Variants in SFMBT1 observed in about 807,000 individuals in gnomAD.
SFMBT1 encodes the protein Scm like with four mbt domains 1, also known as scm-like with four MBT domains protein 1.
Under a neutral mutation model 108.7 loss-of-function variants are expected in SFMBT1, and 32 were observed. The ratio of observed to expected loss-of-function variants is 0.29; its 90% CI spans 0.22 to 0.40. SFMBT1 has a LOEUF of 0.40. SFMBT1 is among the 10% of genes least tolerant of loss of function. SFMBT1 has a pLI of 1.00. For synonymous variants in SFMBT1, 348 were observed against 369.5 expected, an observed-to-expected ratio of 0.94 and a Z score of 0.67; for missense variants, 816 against 1,059.6, an observed-to-expected ratio of 0.77 and a Z score of 3.19.
intron 2 of SFMBT1, among the ~76,000 whole-genome samples, chr3:52,954,731 T>C (rs1362542243): frequency 6.6e-6 from 1 of 152,190 alleles, no homozygotes; most frequent in African/African-American, 2.4e-5. Context: ...CACTTTGGAC[T>C]GAAATTTAGT....
intron 18 of SFMBT1, 58 bp from the exon 19 acceptor site, chr3:52,907,372 A>G: frequency 6.5e-7 from 1 of 1,549,574 alleles, no homozygotes; most frequent in Non-Finnish European, 8.7e-7. Flanking sequence ...CAGGTTTCAT[A>G]TGATTAAAAA....
intron 2 of SFMBT1, among the ~76,000 whole-genome samples, chr3:52,968,580 A>G (rs1704226109): frequency 1.3e-5 from 2 of 150,658 alleles, no homozygotes; most frequent in Admixed American, 1.4e-4. Flanking sequence ...TTTAAAAAAG[A>G]AGTCTGTTCA....
chr3:53,027,297 C>A (rs1699526668), intron 1 of SFMBT1, among the ~76,000 whole-genome samples: 1 of 152,176 alleles, frequency 6.6e-6, no homozygotes, highest in Admixed American at 6.5e-5. Context: ...TTCCCCCACC[C>A]CCGTTAAAAC....
chr3:53,034,447 C>T (rs1257932999), intron 1 of SFMBT1, among the ~76,000 whole-genome samples: 1 of 151,746 alleles, frequency 6.6e-6, no homozygotes, highest in Non-Finnish European at 1.5e-5. Context: ...TGTGGTGGTG[C>T]GTGCCTGTCT....
At chr3:53,023,924 C>CTCAT (rs968483102) in intron 1 of SFMBT1, among the ~76,000 whole-genome samples, 1 of 152,166 alleles carries the variant, frequency 6.6e-6, no homozygotes, top group African/African-American at 2.4e-5. Flanking sequence ...CTATGAAATA[C>CTCAT]TCATTCATCC....
intron 13 of SFMBT1, among the ~76,000 whole-genome samples, chr3:52,917,586 C>T (rs894027698): frequency 3.3e-5 from 5 of 152,246 alleles, no homozygotes; most frequent in African/African-American, 9.6e-5. Context: ...CCCAGGGCCA[C>T]GGACCAGTAC....
chr3:52,911,770 A>G (rs56231111), intron 16 of SFMBT1, among the ~76,000 whole-genome samples: 17,154 of 152,184 alleles, frequency 0.11, 1,007 homozygotes, highest in Non-Finnish European at 0.13. Context: ...GCATGATCTC[A>G]GCTCACTGCA....
intron 10 of SFMBT1, among the ~76,000 whole-genome samples, chr3:52,922,336 A>G (rs1424376057): frequency 1.3e-5 from 2 of 151,076 alleles, no homozygotes; most frequent in African/African-American, 4.9e-5. Flanking sequence ...ACAGTGGGAA[A>G]GGGTCATTTA....
chr3:52,968,562 A>G (rs1461655293), intron 2 of SFMBT1, among the ~76,000 whole-genome samples: 2 of 151,844 alleles, frequency 1.3e-5, no homozygotes, highest in Admixed American at 1.3e-4. Context: ...TCAAAATTTT[A>G]ATGCTATTTT....
At chr3:53,006,734 C>G (rs1034484994) in intron 1 of SFMBT1, among the ~76,000 whole-genome samples, 1 of 152,038 alleles carries the variant, frequency 6.6e-6, no homozygotes, top group African/African-American at 2.4e-5. Context: ...ATGGAGGGGT[C>G]CTGGAACCAA....
intron 1 of SFMBT1, among the ~76,000 whole-genome samples, chr3:53,009,333 A>T (rs1370474375): frequency 6.6e-6 from 1 of 152,080 alleles, no homozygotes; most frequent in Non-Finnish European, 1.5e-5. Flanking sequence ...CTGTAATCTC[A>T]GCTACTCGGG....
At chr3:52,926,291 G>C (rs1326315503) in intron 9 of SFMBT1, among the ~76,000 whole-genome samples, 178 bp from the exon 10 acceptor site, 1 of 152,202 alleles carries the variant, frequency 6.6e-6, no homozygotes, top group East Asian at 1.9e-4. Context: ...TTATAAAATA[G>C]AGCAACTCTG....
intron 15 of SFMBT1, among the ~76,000 whole-genome samples, chr3:52,913,173 C>G (rs1380751690): frequency 6.6e-6 from 1 of 152,188 alleles, no homozygotes; most frequent in Non-Finnish European, 1.5e-5. Flanking sequence ...GCCACATAGC[C>G]ACGGCCTTTC....
In SFMBT1 at chr3:52,912,520, A is replaced by T; in HGVS notation, c.1730+18T>A. The T allele has an allele frequency of 6.2e-7, 1 of 1,600,712 alleles. No homozygotes were observed. Among genetic ancestry groups the T allele is most frequent in the Non-Finnish European group, 8.6e-7 (1 of 1,167,830 alleles). On this transcript the variant is annotated intron_variant, in intron 16 of 20. Coordinates refer to ENST00000394752, the MANE Select transcript of SFMBT1 (RefSeq NM_016329.4). ...AAGACAAGTAAAAGTAAAGAGTAAA[A>T]ACAAGTAGTCCACTCACTTGGCTTT... is the stretch of plus-strand genomic sequence containing the variant.
intron 1 of SFMBT1, among the ~76,000 whole-genome samples, chr3:53,022,178 G>A (rs546352329): frequency 3.9e-5 from 6 of 152,212 alleles, no homozygotes; most frequent in East Asian, 3.9e-4. Flanking sequence ...GACTGGGTGC[G>A]GTGGTTCACA....
chr3:53,011,980 A>G (rs1698959023), intron 1 of SFMBT1, among the ~76,000 whole-genome samples: 1 of 152,222 alleles, frequency 6.6e-6, no homozygotes, highest in Admixed American at 6.5e-5. Context: ...AGAATGAAGG[A>G]GAGACCACAA....
At position 52,960,074 on chromosome 3, in the gene SFMBT1, TG is replaced by T. The variant is rs1483511944; in HGVS notation, c.29-5664del. Among the ~76,000 whole-genome samples, 3 of 151,784 alleles carry T rather than the reference TG, an allele frequency of 2.0e-5. No individual in the cohort carries two copies. The South Asian group carries it at 6.2e-4, about 31-fold the overall frequency. ...TAGATAAGTTATGGCAACCCTTCAA[TG>T]GAATACTACTACACAGCAGTTGAAA... On this transcript the variant is annotated intron_variant, in intron 2 of 20. Coordinates refer to ENST00000394752, the MANE Select transcript of SFMBT1 (RefSeq NM_016329.4).
intron 1 of SFMBT1, among the ~76,000 whole-genome samples, chr3:52,984,458 G>A (rs1012701445): frequency 8.0e-5 from 12 of 150,718 alleles, no homozygotes; most frequent in African/African-American, 2.9e-4. Context: ...TACATTTCAC[G>A]TTCTCTAGGT....
At chr3:53,026,105 A>C (rs1323472047) in intron 1 of SFMBT1, among the ~76,000 whole-genome samples, 1 of 152,260 alleles carries the variant, frequency 6.6e-6, no homozygotes, top group African/African-American at 2.4e-5. Flanking sequence ...ATTAAAAGCA[A>C]AATTAATTAT....
Sources: gnomAD v4.1 joint callset for allele counts (sites outside exome capture counted in the v4.1 genomes callset) on GRCh38, gnomAD v4.1.1 for gene constraint, MANE v1.5 for transcripts, NCBI Gene and HGNC (gene_info 2026-07-23, HGNC 2026-07-21) for gene names.